INSL6: variants seen among roughly 807,000 people sequenced by gnomAD.
INSL6 encodes insulin-like peptide INSL6.
A neutral mutation model predicts 9.4 loss-of-function variants in INSL6; 16 were observed. The ratio of observed to expected loss-of-function variants is 1.70; its 90% CI spans 1.15 to 2.59. The LOEUF (loss-of-function observed/expected upper bound fraction) is 2.59. Among genes scored for constraint, INSL6 ranks in the 30% most tolerant of loss-of-function variants. INSL6 has a pLI of 0.00. For missense variants in INSL6, 391 were observed against 257.3 expected, an observed-to-expected ratio of 1.52 and a Z score of -3.56; for synonymous variants, 154 against 96.9, an observed-to-expected ratio of 1.59 and a Z score of -3.46.
At chr9:5,121,173 C>G (rs1365986152), downstream of INSL6, among the ~76,000 whole-genome samples, 2 of 151,898 alleles carry the variant, frequency 1.3e-5, no homozygotes, top group African/African-American at 4.8e-5. Context: ...AACCTTTCCA[C>G]AAAGATAGAA....
chr9:5,153,354 C>T (rs190259322), intron 2 of INSL6, among the ~76,000 whole-genome samples: 28 of 152,274 alleles, frequency 1.8e-4, no homozygotes, highest in Non-Finnish European at 3.2e-4. Flanking sequence ...ACTTGGTGCA[C>T]GGAGGAGCAT....
rs372844921 is a variant in INSL6 at position 5,184,956 on chromosome 9, G to T, written c.289+358C>A. On this transcript the variant is annotated intron_variant, in intron 1 of 1. Transcript: ENST00000381641. The stretch of plus-strand genomic sequence containing the variant: ...ATGTGCTAGATACTGTGGTAGAAAG[G>T]ACAATGGAGCCATTGGCCATGAAAA... Among the ~76,000 whole-genome samples, 171 of 152,278 alleles carry T rather than the reference G, an allele frequency of 1.1e-3. 1 individual carries two copies. The highest frequency in any genetic ancestry group is 4.0e-3 in the African/African-American group (167 of 41,538).
the INSL6 span, among the ~76,000 whole-genome samples, chr9:4,996,928 C>CTTTTTTTTTTTTTTTTTT: frequency 5.3e-5 from 5 of 94,660 alleles, no homozygotes; most frequent in Admixed American, 1.1e-4. Flanking sequence ...TTAGTTTGTT[C>CTTTTTTTTTTTTTTTTTT]TTTTTTTTTT....
rs766790610 is a variant in INSL6 at position 5,163,941 on chromosome 9, C to T, written c.614G>A (p.Arg205Lys). The change falls in exon 2 of 2, where the codon AGA (arginine) becomes AAA (lysine). Residue 205 changes from arginine (R) to lysine (K), a missense_variant. By Grantham distance (26) the Arg-to-Lys change is conservative. Transcript: ENST00000381641. ...GTATATCTTAGTTACAAGTGATGAT[C>T]TTTTTTCCTTTAGCCTTTTAAAATC... Reference protein sequence around the residue: ...YIDFKRLKEKRSSLVTKIY With the variant: ...YIDFKRLKEKKSSLVTKIY 1.2e-6 allele frequency: 2 copies of T among 1,605,440 alleles called. No individual in the cohort carries two copies. Among genetic ancestry groups the T allele is most frequent in the African/African-American group, 1.3e-5 (1 of 74,906 alleles).
intron 1 of INSL6, among the ~76,000 whole-genome samples, chr9:5,184,718 G>C (rs904040380): frequency 2.0e-5 from 3 of 152,188 alleles, no homozygotes; most frequent in Non-Finnish European, 4.4e-5. Context: ...ATACAAGTAC[G>C]TAAACTCTTA....
the INSL6 span, among the ~76,000 whole-genome samples, chr9:5,060,058 C>A: frequency 6.6e-6 from 1 of 152,142 alleles, no homozygotes; most frequent in South Asian, 2.1e-4. Flanking sequence ...TTTTTGGTTT[C>A]TCAGTACATA....
chr9:5,132,454 C>T (rs894358890), intron 3 of INSL6, among the ~76,000 whole-genome samples: 8 of 151,986 alleles, frequency 5.3e-5, no homozygotes, highest in African/African-American at 1.9e-4. Context: ...GCCAAAAATA[C>T]CTTGGTTCTA....
chr9:5,064,894 T>G, the INSL6 span: 1 of 1,581,534 alleles, frequency 6.3e-7, no homozygotes, highest in South Asian at 1.2e-5. Flanking sequence ...AAATTGAACT[T>G]AGCTCATTAA....
the INSL6 span, chr9:5,064,782 A>C: frequency 1.2e-6 from 1 of 816,126 alleles, no homozygotes; most frequent in Admixed American, 2.8e-5. Flanking sequence ...TGAGCAATTT[A>C]GAAGAAAATT....
chr9:5,172,889 T>C (rs1176111427), intron 1 of INSL6, among the ~76,000 whole-genome samples: 3 of 151,376 alleles, frequency 2.0e-5, no homozygotes, highest in Non-Finnish European at 2.9e-5. Context: ...GATCATGCCA[T>C]TGCACTCTAG....
chr9:5,065,037 T>C, the INSL6 span: 1 of 1,577,608 alleles, frequency 6.3e-7, no homozygotes, highest in Non-Finnish European at 8.6e-7. Flanking sequence ...CATGGCCCAA[T>C]TTCGTGAGTA....
At chr9:5,163,421 A>G (rs1331360601), downstream of INSL6, among the ~76,000 whole-genome samples, 1 of 152,218 alleles carries the variant, frequency 6.6e-6, no homozygotes, top group Non-Finnish European at 1.5e-5. Flanking sequence ...ACTGACTACT[A>G]TAATAAAACT....
At chr9:5,161,794 C>A (rs75298822), downstream of INSL6, among the ~76,000 whole-genome samples, 878 of 152,106 alleles carry the variant, frequency 5.8e-3, 4 homozygotes, top group African/African-American at 0.02. Context: ...GTGCCAAGAG[C>A]AAACAATCTG....
chr9:5,051,594 T>A, the INSL6 span, among the ~76,000 whole-genome samples: 1 of 152,184 alleles, frequency 6.6e-6, no homozygotes. Context: ...TTCTGCATAT[T>A]GAACTTGACA....
At chr9:5,028,534 A>G in the INSL6 span, among the ~76,000 whole-genome samples, 1 of 152,192 alleles carries the variant, frequency 6.6e-6, no homozygotes, top group African/African-American at 2.4e-5. Context: ...GTTCTTTGAA[A>G]CTTTGAAGGC....
At position 5,185,634 on chromosome 9, in the gene INSL6, T is replaced by G. The variant is rs1407444005; in HGVS notation, c.-32A>C. 3.8e-6 allele frequency: 6 copies of G among 1,590,308 alleles called. No homozygotes were observed. Among genetic ancestry groups the G allele is most frequent in the Non-Finnish European group, 4.3e-6 (5 of 1,170,128 alleles). On this transcript the variant is annotated 5_prime_UTR_variant, in exon 1 of 2. Coordinates refer to ENST00000381641, the MANE Select transcript of INSL6 (RefSeq NM_007179.3). ...GACCCCAGGCTAGTCCTCCGCGTTG[T>G]GCAATGGCGGTCGGCCGGACCCTGC...
the INSL6 span, among the ~76,000 whole-genome samples, chr9:5,028,968 G>T: frequency 6.6e-6 from 1 of 152,142 alleles, no homozygotes; most frequent in East Asian, 1.9e-4. Context: ...TACTGCAGTC[G>T]CATTTTTAAT....
At chr9:5,040,957 T>C in the INSL6 span, 8 of 531,790 alleles carry the variant, frequency 1.5e-5, no homozygotes, top group Admixed American at 1.8e-4. Context: ...AAAGAATCTC[T>C]ATACAAACAA....
chr9:5,066,653 C>G, the INSL6 span: 2 of 1,284,868 alleles, frequency 1.6e-6, no homozygotes, highest in Non-Finnish European at 1.1e-6. Flanking sequence ...ATATATTATT[C>G]AAATTGCTTC....
Sources: gnomAD v4.1 joint callset for allele counts (sites outside exome capture counted in the v4.1 genomes callset) on GRCh38, gnomAD v4.1.1 for gene constraint, MANE v1.5 for transcripts, NCBI Gene and HGNC (gene_info 2026-07-23, HGNC 2026-07-21) for gene names.